Variants in CD1B observed in about 807,000 individuals in gnomAD.
CD1B encodes CD1b molecule.
Under a neutral mutation model 39.8 loss-of-function variants are expected in CD1B, and 43 were observed. That is an observed-to-expected ratio of 1.08 (90% CI 0.85 to 1.39). The LOEUF is 1.39. Ranked by LOEUF, CD1B falls within the 40% of genes most tolerant of loss-of-function variation. The probability of loss-of-function intolerance (pLI) is 0.00; values close to 1 mark genes in which losing one functional copy is unlikely to be tolerated. For missense variants in CD1B, 495 were observed against 403.8 expected (o/e 1.23, Z -1.94); for synonymous variants, 192 against 152.5 (o/e 1.26, Z -1.91).
At position 158,328,028 on chromosome 1, in the gene CD1B, A is replaced by G; in HGVS notation, c.*208T>C. The G allele has an allele frequency of 2.1e-6, 1 of 479,882 alleles. No individual in the cohort carries two copies. The highest frequency in any genetic ancestry group is 3.7e-6 in the Non-Finnish European group (1 of 270,448). 29.7% of individuals were successfully genotyped at this position (479,882 alleles called of 1,614,324 possible). Reference sequence around the variant, plus strand: ...TTTAATGTGTGTAAAATCAGGGTGAATCACACTGTTAGTACAGTCTCATAA... The same window carrying G: ...TTTAATGTGTGTAAAATCAGGGTGAGTCACACTGTTAGTACAGTCTCATAA... On this transcript the variant is annotated 3_prime_UTR_variant, in exon 6 of 6. Coordinates refer to ENST00000368168, the MANE Select transcript of CD1B (RefSeq NM_001764.3).
Position 158,328,217 on chromosome 1 carries a change from G to C in CD1B, c.*19C>G, listed in dbSNP as rs1187357466. 6.2e-7 allele frequency: 1 copy of C among 1,603,636 alleles called. No individual in the cohort carries two copies. The highest frequency in any genetic ancestry group is 8.5e-7 in the Non-Finnish European group (1 of 1,171,098). On this transcript the variant is annotated 3_prime_UTR_variant, in exon 6 of 6. Transcript: ENST00000368168. ...TTCTTGGTACTTATTGCGAATGGGA[G>C]AGGAGACATGATGATGGCTCATGGG...
At chr1:158,293,387 ACTC>A in the CD1B span, 1 of 1,592,200 alleles carries the variant, frequency 6.3e-7, no homozygotes. Context: ...TCTATTGACT[ACTC>A]CACCTTATCC....
chr1:158,300,085 C>T, the CD1B span, among the ~76,000 whole-genome samples: 32 of 152,198 alleles, frequency 2.1e-4, no homozygotes, highest in African/African-American at 7.5e-4. Flanking sequence ...TGTTAGGTGT[C>T]AATTTTAGAT....
At chr1:158,307,381 C>A in the CD1B span, among the ~76,000 whole-genome samples, 1 of 152,082 alleles carries the variant, frequency 6.6e-6, no homozygotes, top group African/African-American at 2.4e-5. Context: ...AAGACTAAAT[C>A]AGGAAGAATT....
chr1:158,327,961 GTAT>G lies in CD1B; in HGVS notation c.*272_*274del, dbSNP rs1014166085. ...AAAGGGAGTCACCATTAAGTCATAT[GTAT>G]TATATTTCATTTATTTTGAGACACA... On this transcript the variant is annotated 3_prime_UTR_variant, in exon 6 of 6. Transcript: ENST00000368168. 5.5e-6 allele frequency: 2 copies of G among 362,408 alleles called. No individual in the cohort carries two copies. Among genetic ancestry groups the G allele is most frequent in the African/African-American group, 4.2e-5 (2 of 47,912 alleles). The allele number at this position is 362,408 out of a possible 1,614,324, so 22.4% of individuals were successfully genotyped here.
the CD1B span, chr1:158,292,588 C>T: frequency 6.2e-7 from 1 of 1,610,820 alleles, no homozygotes; most frequent in East Asian, 2.2e-5. Flanking sequence ...TTTTTCTGCT[C>T]TCTGCAGTGA....
the CD1B span, among the ~76,000 whole-genome samples, chr1:158,314,643 T>TTTTTTTTA: frequency 2.0e-5 from 3 of 151,372 alleles, no homozygotes; most frequent in Non-Finnish European, 4.4e-5. Flanking sequence ...TTTTGTTTTG[T>TTTTTTTTA]TTTTTTTATT....
chr1:158,288,290 T>C, the CD1B span, among the ~76,000 whole-genome samples: 1 of 152,228 alleles, frequency 6.6e-6, no homozygotes, highest in Non-Finnish European at 1.5e-5. Flanking sequence ...GCCTCACTAT[T>C]AACGTTGACA....
At chr1:158,297,467 T>C in the CD1B span, among the ~76,000 whole-genome samples, 2 of 152,150 alleles carry the variant, frequency 1.3e-5, no homozygotes, top group African/African-American at 4.8e-5. Context: ...AATAAAAGAC[T>C]CTTACCAGCC....
the CD1B span, among the ~76,000 whole-genome samples, chr1:158,316,664 A>T: frequency 3.7e-4 from 56 of 150,634 alleles, no homozygotes; most frequent in Middle Eastern, 3.4e-3. Flanking sequence ...TCTCCTGCCT[A>T]ATTGCCCTGG....
chr1:158,298,399 A>G, the CD1B span, among the ~76,000 whole-genome samples: 2 of 152,216 alleles, frequency 1.3e-5, no homozygotes, highest in Non-Finnish European at 2.9e-5. Flanking sequence ...AATGGACCTA[A>G]TAAACATTGA....
At chr1:158,320,019 T>C in the CD1B span, among the ~76,000 whole-genome samples, 1 of 152,212 alleles carries the variant, frequency 6.6e-6, no homozygotes, top group South Asian at 2.1e-4. Flanking sequence ...GTCTGCCCGT[T>C]CTCAGATCTC....
the CD1B span, chr1:158,292,665 C>T: frequency 6.2e-7 from 1 of 1,613,728 alleles, no homozygotes; most frequent in Admixed American, 1.7e-5. Context: ...GTTTGTCATG[C>T]CTCCGGCTTC....
At chr1:158,291,497 C>A in the CD1B span, 1 of 1,243,382 alleles carries the variant, frequency 8.0e-7, no homozygotes, top group Non-Finnish European at 1.1e-6. Flanking sequence ...ATTATCCCAT[C>A]CCACCATAAA....
chr1:158,309,029 T>A, the CD1B span, among the ~76,000 whole-genome samples: 1 of 152,046 alleles, frequency 6.6e-6, no homozygotes, highest in East Asian at 1.9e-4. Context: ...GAAACTACCA[T>A]CAGAGTGAAC....
At chr1:158,299,698 TC>T in the CD1B span, among the ~76,000 whole-genome samples, 1 of 152,362 alleles carries the variant, frequency 6.6e-6, no homozygotes, top group East Asian at 1.9e-4. Flanking sequence ...TTCAACTTCT[TC>T]CTGGTTTACT....
chr1:158,289,236 T>C, the CD1B span, among the ~76,000 whole-genome samples: 2 of 152,236 alleles, frequency 1.3e-5, no homozygotes, highest in African/African-American at 2.4e-5. Context: ...AACTCTTTGA[T>C]AGAAGAGATT....
In CD1B at chr1:158,330,078, G is replaced by A. The variant is rs1237380279; in HGVS notation, c.381C>T (p.Ala127=). ...GAGCTCCCCTCAGGAAGCTTACTATGGCACCTCCAGAATGTAGCTCACAGC... is the reference window on the plus strand; with the variant it reads ...GAGCTCCCCTCAGGAAGCTTACTATAGCACCTCCAGAATGTAGCTCACAGC... The part of the protein sequence containing the change: ...IAGCELHSGG[A]IVSFLRGALG... Residue 127 remains alanine, a synonymous_variant, in exon 3 of 6, where the codon GCC becomes GCT. Transcript: ENST00000368168. The A allele has an allele frequency of 6.2e-7, 1 of 1,613,716 alleles. No individual in the cohort carries two copies. The highest frequency in any genetic ancestry group is 1.3e-5 in the African/African-American group (1 of 74,858).
At chr1:158,304,479 G>A in the CD1B span, among the ~76,000 whole-genome samples, 23 of 152,284 alleles carry the variant, frequency 1.5e-4, no homozygotes, top group Non-Finnish European at 2.6e-4. Flanking sequence ...GCTCAAGGAG[G>A]CCTGCCTGCC....
Sources: gnomAD v4.1 joint callset for allele counts (sites outside exome capture counted in the v4.1 genomes callset) on GRCh38, gnomAD v4.1.1 for gene constraint, MANE v1.5 for transcripts, NCBI Gene and HGNC (gene_info 2026-07-23, HGNC 2026-07-21) for gene names.